The following DNER variants were observed in gnomAD, a reference collection of about 807,000 sequenced individuals.
The protein encoded by DNER is delta and Notch-like epidermal growth factor-related receptor.
DNER carries 33 observed loss-of-function variants against 78.2 expected under a neutral mutation model. That is an observed-to-expected ratio of 0.42 (90% CI 0.32 to 0.56). The LOEUF is 0.56. Ranked by LOEUF, DNER falls within the 20% of genes least tolerant of loss-of-function variation. The probability of loss-of-function intolerance (pLI) is 0.11; values close to 1 mark genes in which losing one functional copy is unlikely to be tolerated. For synonymous variants in DNER, 417 were observed against 384.8 expected (o/e 1.08, Z -0.98); for missense variants, 918 against 975.3 (o/e 0.94, Z 0.78).
At chr2:229,646,599 A>G (rs190973038) in intron 1 of DNER, among the ~76,000 whole-genome samples, 111 of 152,348 alleles carry the variant, frequency 7.3e-4, no homozygotes, top group African/African-American at 2.5e-3. Flanking sequence ...GTTACACAAC[A>G]TTACACTCAG....
intron 2 of DNER, among the ~76,000 whole-genome samples, chr2:229,588,897 G>T (rs1035227173): frequency 6.6e-6 from 1 of 152,200 alleles, no homozygotes; most frequent in African/African-American, 2.4e-5. Context: ...CTAATGACTA[G>T]GCAAGCCAGC....
At chr2:229,374,511 G>A (rs1692556989) in intron 11 of DNER, among the ~76,000 whole-genome samples, 1 of 152,172 alleles carries the variant, frequency 6.6e-6, no homozygotes, top group South Asian at 2.1e-4. Context: ...GATATTTATT[G>A]AGGGTTCCAT....
intron 1 of DNER, among the ~76,000 whole-genome samples, chr2:229,631,490 T>C (rs1215578390): frequency 6.6e-6 from 1 of 152,236 alleles, no homozygotes; most frequent in Non-Finnish European, 1.5e-5. Flanking sequence ...ACATTGCTGA[T>C]GGAGCTTTCT....
intron 7 of DNER, among the ~76,000 whole-genome samples, chr2:229,455,835 G>C (rs1251232259): frequency 1.3e-5 from 2 of 152,070 alleles, no homozygotes; most frequent in African/African-American, 4.8e-5. Flanking sequence ...AATCCTATGA[G>C]ATAAGAACTA....
intron 5 of DNER, among the ~76,000 whole-genome samples, chr2:229,525,775 G>C (rs900836220): frequency 3.9e-5 from 6 of 152,196 alleles, no homozygotes; most frequent in African/African-American, 1.2e-4. Flanking sequence ...ACCACGCCTG[G>C]CTAATTTTTT....
chr2:229,461,322 C>G (rs150703380), intron 7 of DNER, among the ~76,000 whole-genome samples: 24 of 152,160 alleles, frequency 1.6e-4, no homozygotes, highest in African/African-American at 5.3e-4. Flanking sequence ...TTTGAGCTAG[C>G]CTTTGGTAAA....
In DNER at chr2:229,588,434, G is replaced by A. The variant is rs373276946; in HGVS notation, c.640C>T (p.Arg214Cys). 1.4e-4 allele frequency: 228 copies of A among 1,612,330 alleles called. No individual in the cohort carries two copies. Among genetic ancestry groups the A allele is most frequent in the Non-Finnish European group, 1.8e-4 (215 of 1,179,326 alleles). The part of the protein sequence containing the change: ...NASSNSSAGG[R>C]LVSFEVPQNT... Reference sequence around the variant, plus strand: ...TGTGGCACTTCAAAGGATACCAGGCGGCCACCCGCAGAGCTGTTAGAACTG... The same window carrying A: ...TGTGGCACTTCAAAGGATACCAGGCAGCCACCCGCAGAGCTGTTAGAACTG... Residue 214 changes from arginine (R) to cysteine (C), a missense_variant, in exon 3 of 13, where the codon CGC becomes TGC. By Grantham distance (180) the Arg-to-Cys change is radical. Transcript: ENST00000341772.
At chr2:229,672,413 G>A (rs1699225624) in intron 1 of DNER, among the ~76,000 whole-genome samples, 1 of 151,738 alleles carries the variant, frequency 6.6e-6, no homozygotes, top group Admixed American at 6.6e-5. Context: ...GAGGGAGGGG[G>A]GAGAGAGAGA....
Position 229,696,441 on chromosome 2 carries a change from G to A in DNER, c.276+17707C>T, listed in dbSNP as rs565745083. 3.9e-5 allele frequency among the ~76,000 whole-genome samples: 6 copies of A among 152,268 alleles called. No homozygotes were observed. In the South Asian group the frequency reaches 1.0e-3, roughly 26 times the overall value. ...CTGTGCTGTTGCTTATAATCTGGAC[G>A]GCCTTGCATAATTATTTTTTCAACT... is the stretch of plus-strand genomic sequence containing the variant. On this transcript the variant is annotated intron_variant, in intron 1 of 12. Coordinates refer to ENST00000341772, the MANE Select transcript of DNER (RefSeq NM_139072.4).
chr2:229,463,585 C>T (rs776570772), intron 7 of DNER, among the ~76,000 whole-genome samples: 1 of 152,018 alleles, frequency 6.6e-6, no homozygotes, highest in Non-Finnish European at 1.5e-5. Flanking sequence ...AGATTACAAG[C>T]ACTTCCACCA....
chr2:229,470,903 AC>A (rs1470036928), intron 7 of DNER, among the ~76,000 whole-genome samples: 2 of 152,154 alleles, frequency 1.3e-5, no homozygotes, highest in African/African-American at 4.8e-5. Context: ...AAATCTTAAT[AC>A]CCTGCTTTGA....
At chr2:229,402,773 A>G (rs1230080305) in intron 10 of DNER, among the ~76,000 whole-genome samples, 3 of 152,182 alleles carry the variant, frequency 2.0e-5, no homozygotes, top group African/African-American at 7.2e-5. Context: ...CCTTCCATCC[A>G]CTGGTCCTCA....
intron 4 of DNER, among the ~76,000 whole-genome samples, chr2:229,576,035 C>A (rs1196407449): frequency 6.6e-6 from 1 of 152,070 alleles, no homozygotes; most frequent in Non-Finnish European, 1.5e-5. Context: ...TGCTTTTGTT[C>A]TTTTCAAACT....
chr2:229,498,181 T>C (rs1000904242), intron 6 of DNER, among the ~76,000 whole-genome samples: 1 of 152,110 alleles, frequency 6.6e-6, no homozygotes, highest in African/African-American at 2.4e-5. Context: ...AAAAACCACA[T>C]CATCATCTCA....
intron 10 of DNER, among the ~76,000 whole-genome samples, chr2:229,395,303 G>A (rs1399158611): frequency 3.9e-5 from 6 of 152,208 alleles, no homozygotes; most frequent in Admixed American, 3.9e-4. Context: ...TAAGAAAACT[G>A]TGGTTTGGAT....
chr2:229,627,943 C>T (rs1161798139), intron 1 of DNER, among the ~76,000 whole-genome samples: 1 of 152,216 alleles, frequency 6.6e-6, no homozygotes, highest in Non-Finnish European at 1.5e-5. Context: ...TCCTCTTCTG[C>T]TGAGTGACAT....
intron 6 of DNER, among the ~76,000 whole-genome samples, chr2:229,506,005 C>T (rs1695735408): frequency 6.6e-6 from 1 of 152,180 alleles, no homozygotes; most frequent in Non-Finnish European, 1.5e-5. Flanking sequence ...TAACAGATGA[C>T]TGTTTCGTGA....
At position 229,623,955 on chromosome 2, in the gene DNER, C is replaced by T. The variant is rs148963844; in HGVS notation, c.277-32067G>A. 6.2e-4 allele frequency among the ~76,000 whole-genome samples: 94 copies of T among 152,342 alleles called. 2 individuals carry two copies. The highest frequency in any genetic ancestry group is 2.1e-3 in the African/African-American group (88 of 41,564). Reference sequence around the variant, plus strand: ...CATGAACTGGGACAATCAGGCCTCACGTGAATAACCAACAGCCATGGTGGG... The same window carrying T: ...CATGAACTGGGACAATCAGGCCTCATGTGAATAACCAACAGCCATGGTGGG... On this transcript the variant is annotated intron_variant, in intron 1 of 12. Coordinates refer to ENST00000341772, the MANE Select transcript of DNER (RefSeq NM_139072.4).
chr2:229,473,257 A>G (rs916015524), intron 7 of DNER, among the ~76,000 whole-genome samples: 1 of 152,232 alleles, frequency 6.6e-6, no homozygotes. Context: ...AAGAAAGTAA[A>G]CAGCAGAGAC....
Sources: gnomAD v4.1 joint callset for allele counts (sites outside exome capture counted in the v4.1 genomes callset) on GRCh38, gnomAD v4.1.1 for gene constraint, MANE v1.5 for transcripts, NCBI Gene and HGNC (gene_info 2026-07-23, HGNC 2026-07-21) for gene names.